The following ARL13B variants were observed in gnomAD, a reference collection of about 807,000 sequenced individuals.
ARL13B encodes the protein ADP-ribosylation factor-like protein 13B.
ARL13B carries 36 observed loss-of-function variants against 56.1 expected under a neutral mutation model. That is an observed-to-expected ratio of 0.64 (90% CI 0.49 to 0.85). The LOEUF is 0.85. Among genes scored for constraint, ARL13B ranks in the 40% least tolerant of loss-of-function variants. The pLI is 0.00. For missense variants in ARL13B, 519 were observed against 507.1 expected, an observed-to-expected ratio of 1.02 and a Z score of -0.23; for synonymous variants, 178 against 171.1, an observed-to-expected ratio of 1.04 and a Z score of -0.32.
intron 3 of ARL13B, among the ~76,000 whole-genome samples, chr3:94,030,952 G>A: frequency 6.6e-6 from 1 of 152,152 alleles, no homozygotes; most frequent in East Asian, 1.9e-4. Flanking sequence ...GAGGCAGGAG[G>A]ATTGAGCCTA....
intron 5 of ARL13B, among the ~76,000 whole-genome samples, chr3:94,039,225 G>A (rs2076820528): frequency 6.6e-6 from 1 of 152,114 alleles, no homozygotes. Flanking sequence ...ATTTGGCTGG[G>A]CGCGGTGGCT....
rs559718984 is a variant in ARL13B at position 94,015,008 on chromosome 3, G to A, written c.380+11100G>A. ...TTTGTAATGGTAGACTCTCTCTTAA[G>A]TAGACTAAACCTTCTCATTGAAGCC... On this transcript the variant is annotated intron_variant, in intron 3 of 9. Transcript: ENST00000394222. 5.6e-6 allele frequency: 9 copies of A among 1,613,996 alleles called. No individual in the cohort carries two copies. In the African/African-American group the frequency reaches 6.7e-5, roughly 12 times the overall value.
chr3:93,993,255 A>G (rs1463064691), intron 1 of ARL13B, among the ~76,000 whole-genome samples: 2 of 151,956 alleles, frequency 1.3e-5, no homozygotes, highest in Admixed American at 6.6e-5. Flanking sequence ...CCTCCTGAGT[A>G]GCTGGGATTA....
intron 7 of ARL13B, among the ~76,000 whole-genome samples, chr3:94,048,426 G>C (rs1210389759): frequency 6.6e-6 from 1 of 152,108 alleles, no homozygotes; most frequent in African/African-American, 2.4e-5. Context: ...CATTAACATA[G>C]ATTTCCTTAA....
intron 3 of ARL13B, among the ~76,000 whole-genome samples, chr3:94,015,447 T>G (rs1377100776): frequency 6.6e-6 from 1 of 152,124 alleles, no homozygotes; most frequent in African/African-American, 2.4e-5. Flanking sequence ...TAAAAACCAT[T>G]TAAATAGGGA....
At chr3:93,988,741 A>G in intron 1 of ARL13B, 1 of 438,862 alleles carries the variant, frequency 2.3e-6, no homozygotes, top group South Asian at 1.7e-5. Context: ...TTGGTTAGCC[A>G]CTTTGGCCTG....
chr3:94,026,108 CT>C (rs1391367388), intron 3 of ARL13B, among the ~76,000 whole-genome samples: 5 of 151,894 alleles, frequency 3.3e-5, no homozygotes, highest in African/African-American at 9.7e-5. Context: ...CAAGCTCCGC[CT>C]TCCGGGTTCA....
chr3:94,053,024 G>A (rs2077090747), intron 9 of ARL13B, among the ~76,000 whole-genome samples, 163 bp from the exon 10 acceptor site: 1 of 152,152 alleles, frequency 6.6e-6, no homozygotes, highest in South Asian at 2.1e-4. Flanking sequence ...GATTTAAAAT[G>A]CACGAGAGAG....
At chr3:94,037,460 C>T (rs755761557) in intron 5 of ARL13B, among the ~76,000 whole-genome samples, 19 of 152,090 alleles carry the variant, frequency 1.2e-4, no homozygotes, top group South Asian at 4.1e-4. Context: ...TCATTTAATT[C>T]ATCAATAGGA....
chr3:94,015,235 G>A, intron 3 of ARL13B: 2 of 1,574,488 alleles, frequency 1.3e-6, no homozygotes, highest in Non-Finnish European at 1.7e-6. Context: ...AATTTCCTTT[G>A]TTCTCTGCTT....
chr3:94,040,359 C>T (rs1237917020), intron 6 of ARL13B, among the ~76,000 whole-genome samples: 1 of 152,070 alleles, frequency 6.6e-6, no homozygotes, highest in African/African-American at 2.4e-5. Flanking sequence ...TGTCCATCTG[C>T]AATATTTACT....
chr3:93,988,985 C>T (rs953471533), intron 1 of ARL13B: 6 of 296,832 alleles, frequency 2.0e-5, no homozygotes, highest in African/African-American at 9.1e-5. Flanking sequence ...CACCTGTGGG[C>T]CACGGAGCTG....
At chr3:94,020,827 CT>C (rs2076431963) in intron 3 of ARL13B, among the ~76,000 whole-genome samples, 1 of 152,080 alleles carries the variant, frequency 6.6e-6, no homozygotes. Context: ...AGCCGGTAAT[CT>C]TTTGTTTTTG....
At chr3:94,045,549 T>G (rs2076967922) in intron 7 of ARL13B, among the ~76,000 whole-genome samples, 1 of 151,172 alleles carries the variant, frequency 6.6e-6, no homozygotes, top group Non-Finnish European at 1.5e-5. Context: ...CCAGCATGAG[T>G]CTTTGTAGAT....
intron 3 of ARL13B, among the ~76,000 whole-genome samples, chr3:94,026,181 GACTA>G (rs1275671963): frequency 2.6e-5 from 4 of 151,976 alleles, no homozygotes; most frequent in Admixed American, 6.6e-5. Context: ...CACCACACCC[GACTA>G]ACTTTTTATA....
chr3:94,013,657 G>T (rs2076266325), intron 3 of ARL13B, among the ~76,000 whole-genome samples: 1 of 152,122 alleles, frequency 6.6e-6, no homozygotes, highest in South Asian at 2.1e-4. Flanking sequence ...TAAAAGATTT[G>T]ATAAAGGGCT....
In ARL13B at chr3:93,980,283, C is replaced by G. The variant is rs763687846; in HGVS notation, c.-141C>G. 2.7e-6 allele frequency: 3 copies of G among 1,110,212 alleles called. No individual in the cohort carries two copies. The highest frequency in any genetic ancestry group is 1.5e-5 in the African/African-American group (1 of 64,760). 68.8% of individuals were successfully genotyped at this position (1,110,212 alleles called of 1,614,324 possible). Reference sequence around the variant, plus strand: ...AGCAAGGCTTAGTGCTCGGGCCGGCCGCCTTCACTTCCCTCCCGGCTTTTC... The same window carrying G: ...AGCAAGGCTTAGTGCTCGGGCCGGCGGCCTTCACTTCCCTCCCGGCTTTTC... On this transcript the variant is annotated 5_prime_UTR_variant, in exon 1 of 10. Coordinates refer to ENST00000394222, the MANE Select transcript of ARL13B (RefSeq NM_001174150.2).
intron 7 of ARL13B, among the ~76,000 whole-genome samples, chr3:94,045,476 A>G (rs997598635): frequency 6.6e-6 from 1 of 151,880 alleles, no homozygotes; most frequent in Non-Finnish European, 1.5e-5. Context: ...AGAAAGAAAA[A>G]AAAGAGTTAA....
chr3:94,051,543 G>C (rs2077067627), intron 9 of ARL13B, among the ~76,000 whole-genome samples: 1 of 152,080 alleles, frequency 6.6e-6, no homozygotes, highest in Non-Finnish European at 1.5e-5. Context: ...GAGAAGTAGA[G>C]AACTGCCTTA....
Sources: gnomAD v4.1 joint callset for allele counts (sites outside exome capture counted in the v4.1 genomes callset) on GRCh38, gnomAD v4.1.1 for gene constraint, MANE v1.5 for transcripts, NCBI Gene and HGNC (gene_info 2026-07-23, HGNC 2026-07-21) for gene names.